GALNT11: variants seen among roughly 807,000 people sequenced by gnomAD.
GALNT11 encodes the protein UDP-GalNAc:polypeptide N-acetylgalactosaminyltransferase 11.
Under a neutral mutation model 72.7 loss-of-function variants are expected in GALNT11, and 47 were observed. The ratio of observed to expected loss-of-function variants is 0.65; its 90% CI spans 0.51 to 0.82. The LOEUF is 0.82. GALNT11 is among the 40% of genes least tolerant of loss of function. GALNT11 has a pLI of 0.00. For synonymous variants in GALNT11, 270 were observed against 286.6 expected, an observed-to-expected ratio of 0.94 and a Z score of 0.58; for missense variants, 677 against 778.4, an observed-to-expected ratio of 0.87 and a Z score of 1.55.
At chr7:152,118,398 CT>C (rs1411633015) in intron 9 of GALNT11, 2 of 330,620 alleles carry the variant, frequency 6.0e-6, no homozygotes, top group Non-Finnish European at 5.5e-6. Context: ...TTTCTTTCAT[CT>C]GCTGTAGATT....
chr7:152,115,027 G>T (rs1419646960), intron 8 of GALNT11, among the ~76,000 whole-genome samples: 2 of 152,156 alleles, frequency 1.3e-5, no homozygotes, highest in Non-Finnish European at 2.9e-5. Flanking sequence ...TTTGGGGGCA[G>T]TAGGGACTCC....
intron 2 of GALNT11, among the ~76,000 whole-genome samples, chr7:152,095,634 C>A (rs1194951403): frequency 1.3e-5 from 2 of 152,220 alleles, no homozygotes; most frequent in East Asian, 1.9e-4. Context: ...TCATAAAGTA[C>A]AATTTTCATA....
At chr7:152,089,778 A>G (rs1267668090) in intron 1 of GALNT11, among the ~76,000 whole-genome samples, 1 of 152,262 alleles carries the variant, frequency 6.6e-6, no homozygotes, top group Admixed American at 6.5e-5. Context: ...AGTTATTAGC[A>G]TAAAGTGAAG....
Position 152,073,623 on chromosome 7 carries a change from C to T in GALNT11, c.-38-20567C>T, listed in dbSNP as rs199729256. 4.6e-5 allele frequency among the ~76,000 whole-genome samples: 7 copies of T among 152,278 alleles called. No homozygotes were observed. The East Asian group carries it at 1.2e-3, about 25-fold the overall frequency. ...TAACATGGGGATGTAGATGTCTCTT[C>T]GATATACCAATTTCCTTTCCTTTGG... On this transcript the variant is annotated intron_variant, in intron 1 of 11. Coordinates refer to ENST00000430044, the MANE Select transcript of GALNT11 (RefSeq NM_022087.4).
chr7:152,110,679 G>T (rs763321747), intron 7 of GALNT11, 34 bp downstream of exon 7: 11 of 1,317,240 alleles, frequency 8.4e-6, no homozygotes, highest in African/African-American at 2.9e-5. Flanking sequence ...ATTAATAACT[G>T]TGTAGTGGAA....
chr7:152,052,614 C>G (rs1293437361), intron 1 of GALNT11, among the ~76,000 whole-genome samples: 1 of 152,164 alleles, frequency 6.6e-6, no homozygotes, highest in African/African-American at 2.4e-5. Flanking sequence ...TTTGTGGCAC[C>G]TCACATTGCT....
intron 9 of GALNT11, chr7:152,118,142 T>C (rs1441986526): frequency 6.5e-6 from 1 of 154,728 alleles, no homozygotes; most frequent in Non-Finnish European, 1.4e-5. Flanking sequence ...ACAAACCCAG[T>C]ATCAGGATGT....
intron 1 of GALNT11, among the ~76,000 whole-genome samples, chr7:152,047,485 C>A (rs921619511): frequency 6.6e-6 from 1 of 151,450 alleles, no homozygotes; most frequent in Non-Finnish European, 1.5e-5. Context: ...AACAAACAAA[C>A]AAAACAAACA....
chr7:152,075,283 C>T (rs2084890893), intron 1 of GALNT11: 1 of 152,266 alleles, frequency 6.6e-6, no homozygotes, highest in African/African-American at 2.4e-5. Flanking sequence ...TGAATTTTCC[C>T]AGCTTTTTCT....
chr7:152,103,328 C>T (rs912673737), intron 4 of GALNT11, 50 bp downstream of exon 4: 17 of 1,562,948 alleles, frequency 1.1e-5, no homozygotes, highest in African/African-American at 1.4e-5. Context: ...TCAGTCACTA[C>T]AGCACTGACA....
At chr7:152,036,410 A>G (rs553152398) in intron 1 of GALNT11, among the ~76,000 whole-genome samples, 4 of 152,212 alleles carry the variant, frequency 2.6e-5, no homozygotes, top group Non-Finnish European at 4.4e-5. Context: ...GTTGTTGCAA[A>G]TGATGGGATC....
In GALNT11 at chr7:152,037,093, C is replaced by T. The variant is rs116376238; in HGVS notation, c.-39+11209C>T. On this transcript the variant is annotated intron_variant, in intron 1 of 11. Coordinates refer to ENST00000430044, the MANE Select transcript of GALNT11 (RefSeq NM_022087.4). ...GAAGCTTTTTAACTTGATGTGATAC[C>T]ATTTGTCCATGTATGCTGTGGTGGG... 7.0e-3 allele frequency among the ~76,000 whole-genome samples: 1,061 copies of T among 152,218 alleles called. 10 individuals carry two copies. Among genetic ancestry groups the T allele is most frequent in the African/African-American group, 0.024 (1,012 of 41,532 alleles).
At position 152,121,647 on chromosome 7, in the gene GALNT11, C is replaced by T; in HGVS notation, c.1797C>T (p.Ser599=). ...TCGCCATGGCGATCTGCGATGGCTC[C>T]TCTTCACAGCAGTGGCATTTGGAAG... ...GSVAMAICDG[S]SSQQWHLEG Residue 599 remains serine, a synonymous_variant, in exon 12 of 12, where the codon TCC becomes TCT. Coordinates refer to ENST00000430044, the MANE Select transcript of GALNT11 (RefSeq NM_022087.4). The T allele has an allele frequency of 3.7e-6, 6 of 1,614,208 alleles. No individual in the cohort carries two copies. Among genetic ancestry groups the T allele is most frequent in the Non-Finnish European group, 5.1e-6 (6 of 1,180,026 alleles).
chr7:152,026,912 A>G (rs918734533), intron 1 of GALNT11, among the ~76,000 whole-genome samples: 1 of 152,216 alleles, frequency 6.6e-6, no homozygotes, highest in African/African-American at 2.4e-5. Context: ...GGGCAGTGTC[A>G]TGGGCCATAG....
intron 1 of GALNT11, among the ~76,000 whole-genome samples, chr7:152,061,558 G>T (rs1395127219): frequency 6.6e-6 from 1 of 152,208 alleles, no homozygotes; most frequent in Non-Finnish European, 1.5e-5. Context: ...CCATGCCTAT[G>T]TCCTGAATGG....
At chr7:152,070,368 A>G (rs573443865) in intron 1 of GALNT11, among the ~76,000 whole-genome samples, 1 of 152,010 alleles carries the variant, frequency 6.6e-6, no homozygotes, top group Admixed American at 6.6e-5. Flanking sequence ...TGAGCTTCCT[A>G]TTCTTACAGC....
intron 1 of GALNT11, among the ~76,000 whole-genome samples, chr7:152,084,830 C>T (rs1203915727): frequency 3.3e-5 from 5 of 152,140 alleles, no homozygotes; most frequent in Non-Finnish European, 5.9e-5. Flanking sequence ...GATCTCTGTC[C>T]TCAGGGGGCT....
chr7:152,090,242 C>G (rs2085924325), intron 1 of GALNT11, among the ~76,000 whole-genome samples: 1 of 152,192 alleles, frequency 6.6e-6, no homozygotes, highest in African/African-American at 2.4e-5. Flanking sequence ...CACAATTTTG[C>G]AAAGGCAGTT....
chr7:152,119,421 G>A (rs183138790), intron 10 of GALNT11: 3 of 152,118 alleles, frequency 2.0e-5, no homozygotes, highest in Non-Finnish European at 2.9e-5. Flanking sequence ...CTATTTTAGT[G>A]GTGGGTTGGT....
Sources: gnomAD v4.1 joint callset for allele counts (sites outside exome capture counted in the v4.1 genomes callset) on GRCh38, gnomAD v4.1.1 for gene constraint, MANE v1.5 for transcripts, NCBI Gene and HGNC (gene_info 2026-07-23, HGNC 2026-07-21) for gene names.